The following OR2K2 variants were observed in gnomAD, a reference collection of about 807,000 sequenced individuals.
OR2K2 encodes the protein olfactory receptor family 2 subfamily K member 2.
OR2K2 carries 7 observed loss-of-function variants against 11.1 expected under a neutral mutation model. That is an observed-to-expected ratio of 0.63 (90% CI 0.36 to 1.19). OR2K2 has a LOEUF of 1.19. Ranked by LOEUF, OR2K2 falls within the 50% of genes most tolerant of loss-of-function variation. The pLI, the probability that OR2K2 is intolerant of heterozygous loss-of-function variation, is 0.02. For synonymous variants in OR2K2, 152 were observed against 150.8 expected (o/e 1.01, Z -0.06); for missense variants, 391 against 383.4 (o/e 1.02, Z -0.17).
Position 111,328,018 on chromosome 9 carries a change from C to T in OR2K2, c.416G>A (p.Cys139Tyr). ...PLRYSIIMNR[C>Y]VCARMATVSW... ...GACCGTAGCCATCCGTGCACAGACG[C>T]ACCTGTTCATGATGATGGAGTATCT... The change falls in exon 2 of 2, where the codon TGC (cysteine) becomes TAC (tyrosine). Residue 139 changes from cysteine to tyrosine, a missense_variant. By Grantham distance (194) the Cys-to-Tyr change is radical. Coordinates refer to ENST00000302681, the MANE Select transcript of OR2K2 (RefSeq NM_205859.2). The T allele has an allele frequency of 6.2e-7, 1 of 1,614,174 alleles. No homozygotes were observed. The highest frequency in any genetic ancestry group is 8.5e-7 in the Non-Finnish European group (1 of 1,180,028).
At position 111,327,667 on chromosome 9, in the gene OR2K2, G is replaced by C. The variant is rs1379169964; in HGVS notation, c.767C>G (p.Ser256Cys). The change falls in exon 2 of 2, where the codon TCT becomes TGT. Residue 256 changes from serine to cysteine, a missense_variant. Ser to Cys is a moderately radical substitution (Grantham distance 112). Coordinates refer to ENST00000302681, the MANE Select transcript of OR2K2 (RefSeq NM_205859.2). ...VVILYYGAAL[S>C]MYLKPSSSNA... ...TGATGAAGAAGGCTTTAGGTACATA[G>C]AGAGGGCAGCCCCATAATACAAAAT... 1 of 1,614,034 alleles carries C rather than the reference G, an allele frequency of 6.2e-7. No individual in the cohort carries two copies.
rs765955770 is a variant in OR2K2, at chr9:111,328,122, G to A, written c.312C>T (p.Ser104=). The change falls in exon 2 of 2, where the codon TCC becomes TCT. Residue 104 remains serine (S), a synonymous_variant. Transcript: ENST00000302681. The part of the protein sequence containing the change: ...FSGCAVQMYL[S]LAMGSTECVL... The stretch of plus-strand genomic sequence containing the variant: ...CACACTCTGTGGAGCCCATGGCAAG[G>A]GACAGATACATCTGTACAGCACACC... 9 of 1,614,040 alleles carry A rather than the reference G, an allele frequency of 5.6e-6. No individual in the cohort carries two copies. Among genetic ancestry groups the A allele is most frequent in the Non-Finnish European group, 8.5e-7 (1 of 1,180,046 alleles).
intron 1 of OR2K2, 71 bp from the exon 2 acceptor site, chr9:111,328,553 A>T (rs983047945): frequency 2.9e-6 from 2 of 701,300 alleles, no homozygotes; most frequent in African/African-American, 3.6e-5. Context: ...ACTTATTTTC[A>T]CTATTATAAA....
At position 111,328,341 on chromosome 9, in the gene OR2K2, G is replaced by A. The variant is rs766639072; in HGVS notation, c.93C>T (p.Ser31=). The change falls in exon 2 of 2, where the codon AGC becomes AGT. Residue 31 remains serine, a synonymous_variant. Coordinates refer to ENST00000302681, the MANE Select transcript of OR2K2 (RefSeq NM_205859.2). ...PGLEVVLFVF[S]LVMYLTTLLG... Reference sequence around the variant, plus strand: ...AGAGCGTTGTCAGATACATTACAAGGCTGAAGACGAAGAGAACCACTTCTA... The same window carrying A: ...AGAGCGTTGTCAGATACATTACAAGACTGAAGACGAAGAGAACCACTTCTA... 1 of 1,613,896 alleles carries A rather than the reference G, an allele frequency of 6.2e-7. No homozygotes were observed. The highest frequency in any genetic ancestry group is 8.5e-7 in the Non-Finnish European group (1 of 1,179,916).
Position 111,327,482 on chromosome 9 carries a change from A to G in OR2K2, c.*1T>C, listed in dbSNP as rs761655309. On this transcript the variant is annotated 3_prime_UTR_variant, in exon 2 of 2. Coordinates refer to ENST00000302681, the MANE Select transcript of OR2K2 (RefSeq NM_205859.2). ...TCTCTGGTAAAACCATAGGGACCCA[A>G]TCAGAGATGTTCGTGTGTTTGATGC... 1.3e-6 allele frequency: 2 copies of G among 1,586,740 alleles called. No individual in the cohort carries two copies. The highest frequency in any genetic ancestry group is 1.7e-6 in the Non-Finnish European group (2 of 1,165,492).
In OR2K2 at chr9:111,327,574, A is replaced by G. The variant is rs931675847; in HGVS notation, c.860T>C (p.Ile287Thr). The change falls in exon 2 of 2, where the codon ATA becomes ACA. Residue 287 changes from isoleucine to threonine, a missense_variant. Ile to Thr is a moderately conservative substitution (Grantham distance 89). Coordinates refer to ENST00000302681, the MANE Select transcript of OR2K2 (RefSeq NM_205859.2). ...YGVLTPMLNP[I>T]IYSLRNKEVK... is the part of the protein sequence containing the mutation. ...TTCCTTGTTTCTTAAACTGTAAATTATGGGGTTCAACATAGGGGTAAGCAC... is the reference window on the plus strand; with the variant it reads ...TTCCTTGTTTCTTAAACTGTAAATTGTGGGGTTCAACATAGGGGTAAGCAC... 1.2e-6 allele frequency: 2 copies of G among 1,613,428 alleles called. No homozygotes were observed. Among genetic ancestry groups the G allele is most frequent in the East Asian group, 2.2e-5 (1 of 44,876 alleles).
At chr9:111,328,771 G>T (rs777661665) in intron 1 of OR2K2, among the ~76,000 whole-genome samples, 1 of 152,138 alleles carries the variant, frequency 6.6e-6, no homozygotes, top group Non-Finnish European at 1.5e-5. Flanking sequence ...GAAAGTGACC[G>T]AATGAGGAAA....
At chr9:111,329,710 C>A (rs2098102306) in intron 1 of OR2K2, among the ~76,000 whole-genome samples, 1 of 152,176 alleles carries the variant, frequency 6.6e-6, no homozygotes, top group South Asian at 2.1e-4. Context: ...CACTTGTGAT[C>A]AATGAGATTC....
At position 111,328,456 on chromosome 9, in the gene OR2K2, C is replaced by A. The variant is rs759698847; in HGVS notation, c.-23G>T. 2 of 1,439,034 alleles carry A rather than the reference C, an allele frequency of 1.4e-6. No individual in the cohort carries two copies. The highest frequency in any genetic ancestry group is 2.8e-5 in the African/African-American group (2 of 71,556). The allele number at this position is 1,439,034 out of a possible 1,614,324, so 89.1% of individuals were successfully genotyped here. On this transcript the variant is annotated 5_prime_UTR_variant, in exon 2 of 2. It introduces an in-frame stop codon into an upstream open reading frame of the 5' UTR. Coordinates refer to ENST00000302681, the MANE Select transcript of OR2K2 (RefSeq NM_205859.2). The stretch of plus-strand genomic sequence containing the variant: ...CATTTTCTTTCTTTCATCTATATTT[C>A]TTCCAGTACTATTCCCTTCATTTAA...
Position 111,327,784 on chromosome 9 carries a change from T to G in OR2K2, c.650A>C (p.Tyr217Ser). ...CAGAATAGTGGAAAGGATGAAGATG[T>G]AAGAGATGCAAACTAAGAGCATTGG... ...PIPMLLVCIS[Y>S]IFILSTILRI... The change falls in exon 2 of 2, where the codon TAC becomes TCC. Residue 217 changes from tyrosine (Y) to serine (S), a missense_variant. Tyr to Ser is a moderately radical substitution (Grantham distance 144). Coordinates refer to ENST00000302681, the MANE Select transcript of OR2K2 (RefSeq NM_205859.2). 1 of 1,614,158 alleles carries G rather than the reference T, an allele frequency of 6.2e-7. No individual in the cohort carries two copies. Among genetic ancestry groups the G allele is most frequent in the Non-Finnish European group, 8.5e-7 (1 of 1,180,026 alleles).
At chr9:111,329,509 T>A (rs1013999914) in intron 1 of OR2K2, among the ~76,000 whole-genome samples, 3 of 152,164 alleles carry the variant, frequency 2.0e-5, no homozygotes, top group African/African-American at 7.2e-5. Context: ...CGAAAACCCA[T>A]ATATCCAGGA....
In OR2K2 at chr9:111,328,232, AAG is replaced by A. The variant is rs2098101862; in HGVS notation, c.200_201del (p.Ser67PhefsTer54). 6.2e-7 allele frequency: 1 copy of A among 1,614,150 alleles called. No individual in the cohort carries two copies. The highest frequency in any genetic ancestry group is 2.2e-5 in the East Asian group (1 of 44,886). On this transcript the variant is annotated frameshift_variant, in exon 2 of 2. Transcript: ENST00000302681. LOFTEE classifies it high-confidence loss of function. ...GCAGATGTGTAACAAATATCCATGA[AAG>A]AGAGATTTCCAAGGAATAAGTACAT... ...TPMYLFLGNL[S>X]FMDICYTSAS...
chr9:111,328,564 T>C, intron 1 of OR2K2, 82 bp from the exon 2 acceptor site: 1 of 673,838 alleles, frequency 1.5e-6, no homozygotes, highest in South Asian at 1.9e-5. Context: ...CTATTATAAA[T>C]GCAATTTTAC....
At position 111,327,706 on chromosome 9, in the gene OR2K2, T is replaced by C. The variant is rs765854252; in HGVS notation, c.728A>G (p.His243Arg). Residue 243 changes from histidine (H) to arginine (R), a missense_variant, in exon 2 of 2, where the codon CAT becomes CGT. Coordinates refer to ENST00000302681, the MANE Select transcript of OR2K2 (RefSeq NM_205859.2). ...ATAATACAAAATCACCACAGTCAAA[T>C]GGGCACCACAGGTAGAAAAAGCCTT... Reference protein sequence around the residue: ...RNKAFSTCGAHLTVVILYYGA... With the variant: ...RNKAFSTCGARLTVVILYYGA... 6 of 1,614,146 alleles carry C rather than the reference T, an allele frequency of 3.7e-6. No homozygotes were observed. The highest frequency in any genetic ancestry group is 5.1e-6 in the Non-Finnish European group (6 of 1,180,004).
Position 111,327,470 on chromosome 9 carries a change from C to A in OR2K2, c.*13G>T. ...GCCAGGGGCACATCTCTGGTAAAAC[C>A]ATAGGGACCCAATCAGAGATGTTCG... On this transcript the variant is annotated 3_prime_UTR_variant, in exon 2 of 2. Transcript: ENST00000302681. 2 of 1,556,118 alleles carry A rather than the reference C, an allele frequency of 1.3e-6. No homozygotes were observed. The highest frequency in any genetic ancestry group is 1.2e-5 in the South Asian group (1 of 82,064).
In OR2K2 at chr9:111,328,056, A is replaced by T. The variant is rs549368750; in HGVS notation, c.378T>A (p.Ile126=). ...AVMAYDRYVA[I]CNPLRYSIIM... The stretch of plus-strand genomic sequence containing the variant: ...TGATGGAGTATCTCAGCGGGTTACA[A>T]ATGGCCACATAACGGTCATATGCCA... Residue 126 remains isoleucine, a synonymous_variant, in exon 2 of 2, where the codon ATT becomes ATA. Transcript: ENST00000302681. The T allele has an allele frequency of 3.7e-5, 60 of 1,614,200 alleles. No individual in the cohort carries two copies. The highest frequency in any genetic ancestry group is 2.5e-4 in the African/African-American group (19 of 75,058).
chr9:111,329,066 A>G (rs1443233876), intron 1 of OR2K2, among the ~76,000 whole-genome samples: 1 of 152,074 alleles, frequency 6.6e-6, no homozygotes, highest in Non-Finnish European at 1.5e-5. Context: ...AAATACAAAA[A>G]TTAGCCAGAT....
At chr9:111,329,239 C>T (rs547239441) in intron 1 of OR2K2, among the ~76,000 whole-genome samples, 5 of 152,032 alleles carry the variant, frequency 3.3e-5, no homozygotes, top group Non-Finnish European at 7.4e-5. Flanking sequence ...ACTTCATAGT[C>T]GGAAGCTCTG....
chr9:111,328,523 A>C, intron 1 of OR2K2, 41 bp from the exon 2 acceptor site: 1 of 845,606 alleles, frequency 1.2e-6, no homozygotes, highest in Non-Finnish European at 1.8e-6. Context: ...ATATTCATTT[A>C]GTTAGGAAAA....
Sources: gnomAD v4.1 joint callset for allele counts (sites outside exome capture counted in the v4.1 genomes callset) on GRCh38, gnomAD v4.1.1 for gene constraint, MANE v1.5 for transcripts, NCBI Gene and HGNC (gene_info 2026-07-23, HGNC 2026-07-21) for gene names.